ZMPSTE24: variants seen among roughly 807,000 people sequenced by gnomAD.
ZMPSTE24 encodes the protein zinc metallopeptidase STE24, also known as CAAX prenyl protease 1 homolog.
ZMPSTE24 carries 48 observed loss-of-function variants against 56.7 expected under a neutral mutation model. That is an observed-to-expected ratio of 0.85 (90% CI 0.67 to 1.08). The LOEUF (loss-of-function observed/expected upper bound fraction) is 1.08, where lower values mean the gene tolerates loss of function less well. ZMPSTE24 is among the 50% of genes least tolerant of loss of function. The pLI, the probability that ZMPSTE24 is intolerant of heterozygous loss-of-function variation, is 0.00. For synonymous variants in ZMPSTE24, 172 were observed against 195.2 expected (o/e 0.88, Z 0.99); for missense variants, 503 against 548.7 (o/e 0.92, Z 0.83).
At chr1:40,264,306 C>G (rs936639207) in intron 2 of ZMPSTE24, among the ~76,000 whole-genome samples, 1 of 151,932 alleles carries the variant, frequency 6.6e-6, no homozygotes, top group Non-Finnish European at 1.5e-5. Context: ...TGCACTCCAG[C>G]CTGGGTGACA....
At chr1:40,279,489 AC>A (rs1166801079) in intron 6 of ZMPSTE24, among the ~76,000 whole-genome samples, 13 of 151,698 alleles carry the variant, frequency 8.6e-5, no homozygotes, top group Admixed American at 2.6e-4. Flanking sequence ...GTAGGGTAAA[AC>A]TCTGTGCTTC....
rs756803417 is a variant in ZMPSTE24 at position 40,292,539 on chromosome 1, C to T, written c.1298C>T (p.Ser433Phe). ...CTTGGGAAGGCTAAAGACTTATATT[C>T]TGCTTTAATCAAACTTAACAAAGAT... ...KKLGKAKDLY[S>F]ALIKLNKDNL... Residue 433 changes from serine (S) to phenylalanine (F), a missense_variant, in exon 10 of 10, where the codon TCT (serine) becomes TTT (phenylalanine). Ser to Phe is a radical substitution (Grantham distance 155, BLOSUM62 -2). Coordinates refer to ENST00000372759, the MANE Select transcript of ZMPSTE24 (RefSeq NM_005857.5). The T allele has an allele frequency of 8.1e-6, 13 of 1,614,120 alleles. No individual in the cohort carries two copies. The South Asian group carries it at 1.4e-4, about 18-fold the overall frequency.
chr1:40,287,674 CAAA>C (rs143468956), intron 8 of ZMPSTE24, among the ~76,000 whole-genome samples: 1 of 77,410 alleles, frequency 1.3e-5, no homozygotes. Flanking sequence ...GACTCTGTCT[CAAA>C]AAAAAAAAAA....
At chr1:40,272,121 A>C (rs1643619769) in intron 6 of ZMPSTE24, 86 bp downstream of exon 6, 1 of 1,392,456 alleles carries the variant, frequency 7.2e-7, no homozygotes, top group Non-Finnish European at 9.5e-7. Flanking sequence ...TAAAAGAATT[A>C]ATCAGTTTTT....
intron 2 of ZMPSTE24, among the ~76,000 whole-genome samples, chr1:40,265,638 G>T (rs965382028): frequency 6.6e-6 from 1 of 152,178 alleles, no homozygotes; most frequent in Non-Finnish European, 1.5e-5. Context: ...CAAAAATTCA[G>T]TAAGCTATGA....
intron 6 of ZMPSTE24, among the ~76,000 whole-genome samples, chr1:40,278,244 G>A (rs1403153892): frequency 2.0e-5 from 3 of 151,940 alleles, no homozygotes; most frequent in African/African-American, 2.4e-5. Flanking sequence ...AGAAATAAAT[G>A]TTTATCATTT....
At chr1:40,266,533 C>A (rs1643549959) in intron 2 of ZMPSTE24, among the ~76,000 whole-genome samples, 1 of 152,078 alleles carries the variant, frequency 6.6e-6, no homozygotes. Flanking sequence ...TGAGGAAGAG[C>A]CTTCTCCTGT....
At chr1:40,274,861 G>A (rs1643652783) in intron 6 of ZMPSTE24, among the ~76,000 whole-genome samples, 1 of 152,148 alleles carries the variant, frequency 6.6e-6, no homozygotes. Context: ...TTTTAGGGTA[G>A]AGTTGATTGA....
In ZMPSTE24 at chr1:40,267,840, T is replaced by G. The variant is rs141386841; in HGVS notation, c.325T>G (p.Cys109Gly). The G allele has an allele frequency of 1.2e-4, 190 of 1,613,806 alleles. No individual in the cohort carries two copies. Among genetic ancestry groups the G allele is most frequent in the Non-Finnish European group, 1.9e-5 (22 of 1,179,820 alleles). The change falls in exon 3 of 10, where the codon TGT becomes GGT. Residue 109 changes from cysteine (C) to glycine (G), a missense_variant. Transcript: ENST00000372759. ...PYLWRLSGRF[C>G]GYAGFGPEYE... ...TCTCTGGAGACTTTCTGGACGGTTC[T>G]GTGGTTATGCTGGCTTTGGACCAGA...
chr1:40,280,226 A>G (rs935511473), intron 6 of ZMPSTE24, among the ~76,000 whole-genome samples: 2 of 151,984 alleles, frequency 1.3e-5, no homozygotes, highest in Non-Finnish European at 2.9e-5. Context: ...TCCATTGGTC[A>G]TTGTCAACTT....
chr1:40,292,582 T>G lies in ZMPSTE24; in HGVS notation c.1341T>G (p.Val447=). The G allele has an allele frequency of 6.2e-7, 1 of 1,614,158 alleles. No homozygotes were observed. Among genetic ancestry groups the G allele is most frequent in the Non-Finnish European group, 8.5e-7 (1 of 1,180,016 alleles). The part of the protein sequence containing the change: ...KLNKDNLGFP[V]SDWLFSMWHY... ...ACAAAGATAACTTGGGATTCCCTGTTTCTGACTGGTTGTTCTCAATGTGGC... is the reference window on the plus strand; with the variant it reads ...ACAAAGATAACTTGGGATTCCCTGTGTCTGACTGGTTGTTCTCAATGTGGC... The change falls in exon 10 of 10, where the codon GTT becomes GTG. Residue 447 remains valine (V), a synonymous_variant. Transcript: ENST00000372759.
chr1:40,261,085 G>A (rs1643492542), intron 2 of ZMPSTE24, 100 bp downstream of exon 2: 1 of 1,447,178 alleles, frequency 6.9e-7, no homozygotes, highest in Non-Finnish European at 9.7e-7. Flanking sequence ...GTCCCAGAAT[G>A]CTTTCTTAAC....
At chr1:40,258,492 G>A in intron 1 of ZMPSTE24, 98 bp downstream of exon 1, 1 of 1,592,830 alleles carries the variant, frequency 6.3e-7, no homozygotes. Context: ...CGGTCCCCGC[G>A]CCAGTCTCGT....
chr1:40,266,019 A>G (rs747093857), intron 2 of ZMPSTE24, among the ~76,000 whole-genome samples: 7 of 152,244 alleles, frequency 4.6e-5, no homozygotes, highest in Non-Finnish European at 7.3e-5. Context: ...ACTTTAGGAA[A>G]TATCCTGATA....
At chr1:40,279,577 G>A (rs1354195281) in intron 6 of ZMPSTE24, among the ~76,000 whole-genome samples, 1 of 152,208 alleles carries the variant, frequency 6.6e-6, no homozygotes, top group Admixed American at 6.5e-5. Context: ...AAAAGTTGTT[G>A]AGATGCTTGA....
chr1:40,288,516 C>T lies in ZMPSTE24; in HGVS notation c.1060-2338C>T, dbSNP rs554166992. Reference sequence around the variant, plus strand: ...CTGGACAGATTGGGCATATGGCATGCGCCAGTGAGGAGGGTATCTGTGTTG... The same window carrying T: ...CTGGACAGATTGGGCATATGGCATGTGCCAGTGAGGAGGGTATCTGTGTTG... On this transcript the variant is annotated intron_variant, in intron 8 of 9. Coordinates refer to ENST00000372759, the MANE Select transcript of ZMPSTE24 (RefSeq NM_005857.5). Among the ~76,000 whole-genome samples, 4 of 152,274 alleles carry T rather than the reference C, an allele frequency of 2.6e-5. No homozygotes were observed. In the South Asian group the frequency reaches 8.3e-4, roughly 32 times the overall value.
intron 4 of ZMPSTE24, among the ~76,000 whole-genome samples, chr1:40,269,459 A>G (rs1643591060): frequency 6.6e-6 from 1 of 151,978 alleles, no homozygotes; most frequent in Non-Finnish European, 1.5e-5. Flanking sequence ...TTTTTCAGCT[A>G]CTAATCATTT....
chr1:40,286,014 TATC>T lies in ZMPSTE24; in HGVS notation c.1047_1049del (p.Ile351del). 1.2e-6 allele frequency: 2 copies of T among 1,613,680 alleles called. No individual in the cohort carries two copies. The highest frequency in any genetic ancestry group is 1.1e-5 in the South Asian group (1 of 91,076). Reference sequence around the variant, plus strand: ...GGAAGTTGGGACATACAGTCAAAAATATCATTATTAGCCAGGTAAGTGTGGAGT... The same window carrying T: ...GGAAGTTGGGACATACAGTCAAAAATATTATTAGCCAGGTAAGTGTGGAGT... On this transcript the variant is annotated inframe_deletion, in exon 8 of 10. Transcript: ENST00000372759.
At position 40,260,964 on chromosome 1, in the gene ZMPSTE24, C is replaced by T; in HGVS notation, c.249C>T (p.Leu83=). 2 of 1,614,152 alleles carry T rather than the reference C, an allele frequency of 1.2e-6. No homozygotes were observed. Among genetic ancestry groups the T allele is most frequent in the Non-Finnish European group, 1.7e-6 (2 of 1,180,022 alleles). The stretch of plus-strand genomic sequence containing the variant: ...GCACTTTCAGCTTCTGGTCAGGACT[C>T]TATTCAGAGACTGAAGGCACTGTGA... The part of the protein sequence containing the change: ...DKSTFSFWSG[L]YSETEGTLIL... Residue 83 remains leucine (L), a synonymous_variant, in exon 2 of 10, where the codon CTC becomes CTT. Transcript: ENST00000372759.
Sources: gnomAD v4.1 joint callset for allele counts (sites outside exome capture counted in the v4.1 genomes callset) on GRCh38, gnomAD v4.1.1 for gene constraint, MANE v1.5 for transcripts, NCBI Gene and HGNC (gene_info 2026-07-23, HGNC 2026-07-21) for gene names.